The following MYO9B variants were observed in gnomAD, a reference collection of about 807,000 sequenced individuals.
MYO9B encodes the protein myosin IXB, also known as unconventional myosin-IXb.
A neutral mutation model predicts 229.5 loss-of-function variants in MYO9B; 71 were observed. The observed-to-expected ratio is 0.31, with a 90% confidence interval of 0.26 to 0.38. The LOEUF (loss-of-function observed/expected upper bound fraction) is 0.38. Ranked by LOEUF, MYO9B falls within the 10% of genes least tolerant of loss-of-function variation. MYO9B has a pLI of 1.00. For synonymous variants in MYO9B, 1,185 were observed against 1,235.8 expected (o/e 0.96, Z 0.86); for missense variants, 2,255 against 2,920.5 (o/e 0.77, Z 5.25).
intron 7 of MYO9B, among the ~76,000 whole-genome samples, chr19:17,157,864 G>A (rs1355615940): frequency 6.6e-6 from 1 of 152,150 alleles, no homozygotes; most frequent in East Asian, 1.9e-4. Flanking sequence ...CTGGGTGAGT[G>A]ACAGAGTAAG....
At chr19:17,202,066 C>T (rs780715088) in intron 27 of MYO9B, 42 bp downstream of exon 27, 3 of 1,611,552 alleles carry the variant, frequency 1.9e-6, no homozygotes, top group Non-Finnish European at 2.5e-6. Context: ...ATACCCTGCT[C>T]AGACCCGTCA....
At chr19:17,175,461 C>T (rs1217397449) in intron 13 of MYO9B, among the ~76,000 whole-genome samples, 1 of 151,926 alleles carries the variant, frequency 6.6e-6, no homozygotes, top group Non-Finnish European at 1.5e-5. Context: ...GGCCTGTAGT[C>T]CTAGCTACTC....
intron 1 of MYO9B, among the ~76,000 whole-genome samples, chr19:17,088,507 C>T (rs2057605559): frequency 6.6e-6 from 1 of 152,184 alleles, no homozygotes; most frequent in Non-Finnish European, 1.5e-5. Context: ...CAGCTGCTCC[C>T]CGAGGAGTTT....
chr19:17,132,131 T>C (rs12979647), intron 2 of MYO9B, among the ~76,000 whole-genome samples: 101,252 of 148,662 alleles, frequency 0.68, 34,954 homozygotes, highest in East Asian at 0.77. Context: ...GCCTCCCAAA[T>C]TGCTGGGATT....
chr19:17,127,862 C>T (rs2072144826), intron 2 of MYO9B, among the ~76,000 whole-genome samples: 1 of 152,228 alleles, frequency 6.6e-6, no homozygotes, highest in South Asian at 2.1e-4. Flanking sequence ...TGCCCCTTCG[C>T]AGAACAAGTT....
In MYO9B at chr19:17,195,775, T is replaced by G. The variant is rs1040547238; in HGVS notation, c.4046+302T>G. On this transcript the variant is annotated intron_variant, in intron 22 of 39. Transcript: ENST00000682292. The surrounding 1 kb of genome is among the most constrained non-coding windows in gnomAD (Gnocchi z 4.5). ...CAAGGTCCCTGCTGCCCAGAAATCT[T>G]GGGCCTTGGTTTCTAATTGGTGAAC... Among the ~76,000 whole-genome samples the G allele has an allele frequency of 2.0e-5, 3 of 152,114 alleles. No individual in the cohort carries two copies.
chr19:17,076,929 C>T (rs913860166), intron 1 of MYO9B, among the ~76,000 whole-genome samples: 2 of 152,094 alleles, frequency 1.3e-5, no homozygotes, highest in South Asian at 2.1e-4. Flanking sequence ...TGGAGAGGCA[C>T]GACAGCCACG....
chr19:17,171,681 G>T (rs955953235), intron 11 of MYO9B, among the ~76,000 whole-genome samples: 2 of 152,204 alleles, frequency 1.3e-5, no homozygotes, highest in East Asian at 3.8e-4. Context: ...GCTGGGCGCG[G>T]TGGCTCACGC....
intron 2 of MYO9B, among the ~76,000 whole-genome samples, chr19:17,119,400 G>T (rs1798142349): frequency 6.6e-6 from 1 of 152,218 alleles, no homozygotes; most frequent in African/African-American, 2.4e-5. Flanking sequence ...GGCTTCTGGT[G>T]TTGGCTGAGG....
chr19:17,100,459 C>T (rs2057734376), intron 1 of MYO9B, among the ~76,000 whole-genome samples: 1 of 152,164 alleles, frequency 6.6e-6, no homozygotes. Flanking sequence ...GGCGACAGCA[C>T]GAGACTCTTA....
intron 2 of MYO9B, among the ~76,000 whole-genome samples, chr19:17,127,385 GGC>G (rs1300137816): frequency 1.3e-5 from 2 of 149,970 alleles, no homozygotes; most frequent in African/African-American, 2.5e-5. Context: ...GGAGTGCAGT[GGC>G]GCAATCTTGG....
intron 2 of MYO9B, among the ~76,000 whole-genome samples, chr19:17,128,656 C>A (rs2072155566): frequency 1.3e-5 from 2 of 152,272 alleles, no homozygotes; most frequent in South Asian, 4.1e-4. Context: ...CAGCTCTCGT[C>A]TGGGTCTGAC....
Position 17,154,311 on chromosome 19 carries a change from C to A in MYO9B, c.1099-4C>A, listed in dbSNP as rs1216652301. ...CCCAGAGTACCCATGCCTTTGTTTT[C>A]CAGCATAACTTGAAGATTGAAGATG... is the stretch of plus-strand genomic sequence containing the variant. On this transcript the variant is annotated splice_region_variant and splice_polypyrimidine_tract_variant and intron_variant, in intron 5 of 39. Coordinates refer to ENST00000682292, the MANE Select transcript of MYO9B (RefSeq NM_004145.4). 2.5e-6 allele frequency: 4 copies of A among 1,610,054 alleles called. No individual in the cohort carries two copies. The highest frequency in any genetic ancestry group is 3.3e-4 in the Middle Eastern group (2 of 6,066).
chr19:17,167,324 G>T (rs183658132), intron 10 of MYO9B, among the ~76,000 whole-genome samples: 12 of 151,530 alleles, frequency 7.9e-5, no homozygotes, highest in African/African-American at 2.7e-4. Flanking sequence ...GCACAGACAG[G>T]ATCTTGCTAT....
In MYO9B at chr19:17,101,933, A is replaced by G. The variant is rs1599323952; in HGVS notation, c.216A>G (p.Gly72=). The G allele has an allele frequency of 6.2e-7, 1 of 1,613,592 alleles. No homozygotes were observed. The highest frequency in any genetic ancestry group is 8.5e-7 in the Non-Finnish European group (1 of 1,179,850). Reference sequence around the variant, plus strand: ...TGCTGGTGGAGGTCAAAGAGTCGGGAGGCGAGGAATGGGTGCTGGACGCCA... The same window carrying G: ...TGCTGGTGGAGGTCAAAGAGTCGGGGGGCGAGGAATGGGTGCTGGACGCCA... ...CYVLVEVKES[G]GEEWVLDAND... is the part of the protein sequence containing the mutation. Residue 72 remains glycine (G), a synonymous_variant, in exon 2 of 40, where the codon GGA becomes GGG. Transcript: ENST00000682292. The surrounding 1 kb of genome is among the most constrained non-coding windows in gnomAD (Gnocchi z 4.7).
chr19:17,170,831 TAA>T (rs548201494), intron 11 of MYO9B, among the ~76,000 whole-genome samples: 3 of 120,854 alleles, frequency 2.5e-5, no homozygotes, highest in East Asian at 2.3e-4. Context: ...CTCTAAAAAT[TAA>T]AAAAAAAAAA....
At chr19:17,122,911 C>A (rs1318142930) in intron 2 of MYO9B, among the ~76,000 whole-genome samples, 4 of 152,160 alleles carry the variant, frequency 2.6e-5, no homozygotes, top group Admixed American at 1.3e-4. Context: ...GCCTATACAA[C>A]AAAGCAAAAC....
intron 2 of MYO9B, among the ~76,000 whole-genome samples, chr19:17,123,848 G>A (rs1317822539): frequency 1.3e-5 from 2 of 152,070 alleles, no homozygotes. Flanking sequence ...ACTCTTAAGA[G>A]AATAAACCTC....
chr19:17,095,522 C>T (rs1327745607), intron 1 of MYO9B: 2 of 152,176 alleles, frequency 1.3e-5, no homozygotes, highest in South Asian at 2.1e-4. Flanking sequence ...TGTTGTAGCA[C>T]GGAGCAGTGG....
Sources: gnomAD v4.1 joint callset for allele counts (sites outside exome capture counted in the v4.1 genomes callset) on GRCh38, gnomAD v4.1.1 for gene constraint, Gnocchi (gnomAD v3.1) non-coding constraint, MANE v1.5 for transcripts, NCBI Gene and HGNC (gene_info 2026-07-23, HGNC 2026-07-21) for gene names.